ZNF687: variants seen among roughly 807,000 people sequenced by gnomAD.
ZNF687 encodes zinc finger protein 687.
Under a neutral mutation model 71.8 loss-of-function variants are expected in ZNF687, and 13 were observed. The ratio of observed to expected loss-of-function variants is 0.18; its 90% CI spans 0.12 to 0.29. ZNF687 has a LOEUF of 0.29. ZNF687 is among the 10% of genes least tolerant of loss of function. The pLI is 1.00. For synonymous variants in ZNF687, 673 were observed against 641.6 expected, an observed-to-expected ratio of 1.05 and a Z score of -0.74; for missense variants, 1,412 against 1,625.6, an observed-to-expected ratio of 0.87 and a Z score of 2.26.
chr1:151,283,891 T>A (rs1442580947), intron 1 of ZNF687: 13 of 985,114 alleles, frequency 1.3e-5, no homozygotes, highest in African/African-American at 1.7e-5. Context: ...GTGGGAGAGC[T>A]GGCTGGGAAA....
chr1:151,287,737 A>T lies in ZNF687; in HGVS notation c.1446A>T (p.Pro482=). The change falls in exon 2 of 9, where the codon CCA becomes CCT. Residue 482 remains proline, a synonymous_variant. Transcript: ENST00000336715. The surrounding 1 kb of genome is among the most constrained non-coding windows in gnomAD (Gnocchi z 5.0). ...AACCTTCAAAGACAGCTACTGGGCC[A>T]AGTACAGGGGGCGGCACAGTGATAT... ...MVQPSKTATG[P]STGGGTVISR... 1 of 1,613,960 alleles carries T rather than the reference A, an allele frequency of 6.2e-7. No individual in the cohort carries two copies. The highest frequency in any genetic ancestry group is 8.5e-7 in the Non-Finnish European group (1 of 1,179,956).
Position 151,282,409 on chromosome 1 carries a change from G to T in ZNF687, c.-18+14G>T. ...GGAGCGGAACAAGTAAGCGTGCCTG[G>T]GGTAAATACCCGCCCTTGGCTCCGC... On this transcript the variant is annotated intron_variant, in intron 1 of 8. Transcript: ENST00000336715. 1 of 986,944 alleles carries T rather than the reference G, an allele frequency of 1.0e-6. No individual in the cohort carries two copies. Among genetic ancestry groups the T allele is most frequent in the Non-Finnish European group, 1.2e-6 (1 of 830,296 alleles). 61.1% of individuals were successfully genotyped at this position (986,944 alleles called of 1,614,324 possible). A position where few individuals can be genotyped will look rare whatever the true frequency, so the allele number is the denominator to read the frequency against.
Position 151,287,964 on chromosome 1 carries a change from G to A in ZNF687, c.1673G>A (p.Arg558His), listed in dbSNP as rs770970285. 19 of 1,613,720 alleles carry A rather than the reference G, an allele frequency of 1.2e-5. No homozygotes were observed. Among genetic ancestry groups the A allele is most frequent in the Non-Finnish European group, 6.8e-6 (8 of 1,180,022 alleles). The change falls in exon 2 of 9, where the codon CGC becomes CAC. Residue 558 changes from arginine (R) to histidine (H), a missense_variant. By Grantham distance (29) the Arg-to-His change is conservative (BLOSUM62 0). Around this residue, in one of 8 missense-constraint regions of ZNF687, gnomAD observed 50 missense variants for 106.6 expected, o/e 0.47. Transcript: ENST00000336715. This position sits in a 1 kb window ranked among gnomAD's most constrained non-coding sequence, Gnocchi z 5.0. ...LARHYDRRSM[R>H]IEVTCNHCAR... ...CGGCACTATGACCGTCGGAGCATGCGCATCGAGGTCACCTGCAACCACTGC... is the reference window on the plus strand; with the variant it reads ...CGGCACTATGACCGTCGGAGCATGCACATCGAGGTCACCTGCAACCACTGC...
In ZNF687 at chr1:151,289,900, C is replaced by T. The variant is rs985020693; in HGVS notation, c.2857C>T (p.Leu953Phe). ...RPRRELGSKG[L>F]KGGGGGPGGW... ...TCGGCGGGAACTAGGGAGCAAAGGC[C>T]TCAAGGGTGGGGGTGGGGGGCCTGG... The change falls in exon 6 of 9, where the codon CTC becomes TTC. Residue 953 changes from leucine to phenylalanine, a missense_variant. Physicochemically the swap from Leu to Phe is conservative, Grantham distance 22. This residue lies in a region of ZNF687 where 135 missense variants were observed against 104.1 expected (regional missense o/e 1.30). Coordinates refer to ENST00000336715, the MANE Select transcript of ZNF687 (RefSeq NM_020832.3). The T allele has an allele frequency of 6.4e-6, 10 of 1,558,292 alleles. No homozygotes were observed. The highest frequency in any genetic ancestry group is 1.4e-5 in the African/African-American group (1 of 73,372).
chr1:151,287,362 C>T lies in ZNF687; in HGVS notation c.1071C>T (p.Ala357=), dbSNP rs1419774131. Residue 357 remains alanine (A), a synonymous_variant, in exon 2 of 9, where the codon GCC becomes GCT. Transcript: ENST00000336715. This position sits in a 1 kb window ranked among gnomAD's most constrained non-coding sequence, Gnocchi z 5.0. ...TCCCCTCAGATCCTGATCCACCTGC[C>T]CCCTTGGCTGAGGGGGCCTTCTTGG... is the stretch of plus-strand genomic sequence containing the variant. The part of the protein sequence containing the change: ...TQVPSDPDPP[A]PLAEGAFLAE... 6 of 1,614,186 alleles carry T rather than the reference C, an allele frequency of 3.7e-6. No individual in the cohort carries two copies. Among genetic ancestry groups the T allele is most frequent in the Non-Finnish European group, 5.1e-6 (6 of 1,180,040 alleles).
At position 151,287,565 on chromosome 1, in the gene ZNF687, TG is replaced by T; in HGVS notation, c.1275del (p.Leu426CysfsTer11). On this transcript the variant is annotated frameshift_variant, in exon 2 of 9. Coordinates refer to ENST00000336715, the MANE Select transcript of ZNF687 (RefSeq NM_020832.3). LOFTEE classifies it high-confidence loss of function. The surrounding 1 kb of genome is among the most constrained non-coding windows in gnomAD (Gnocchi z 5.0). Reference protein sequence around the residue: ...MAASVARKAVVLPGGTATSPK... With the variant: ...MAASVARKAVXLPGGTATSPK... ...GCCAGTGTGGCTCGCAAGGCTGTGG[TG>T]CTGCCTGGGGGGACTGCCACCAGCC... The T allele has an allele frequency of 6.2e-7, 1 of 1,614,028 alleles. No homozygotes were observed.
rs941997526 is a variant in ZNF687, at chr1:151,287,839, A to T, written c.1548A>T (p.Pro516=). Residue 516 remains proline, a synonymous_variant, in exon 2 of 9, where the codon CCA becomes CCT. Coordinates refer to ENST00000336715, the MANE Select transcript of ZNF687 (RefSeq NM_020832.3). The surrounding 1 kb of genome is among the most constrained non-coding windows in gnomAD (Gnocchi z 5.0). ...NSKNLLPAYR[P]NLSPPAEAGL... ...AGAACCTGCTCCCTGCCTATAGGCC[A>T]AACCTGAGCCCACCAGCTGAGGCTG... 2 of 1,613,874 alleles carry T rather than the reference A, an allele frequency of 1.2e-6. No individual in the cohort carries two copies. Among genetic ancestry groups the T allele is most frequent in the African/African-American group, 2.7e-5 (2 of 74,920 alleles).
At chr1:151,289,301 C>T (rs1213334010) in intron 4 of ZNF687, 30 bp downstream of exon 4, 1 of 1,612,728 alleles carries the variant, frequency 6.2e-7, no homozygotes, top group Non-Finnish European at 8.5e-7. Flanking sequence ...CGGGCTGGGC[C>T]AGGGAGGGCT....
Position 151,289,504 on chromosome 1 carries a change from C to G in ZNF687, c.2598C>G (p.Leu866=), listed in dbSNP as rs762887000. Residue 866 remains leucine, a synonymous_variant, in exon 5 of 9, where the codon CTC becomes CTG. Transcript: ENST00000336715. ...TTAAGTGCCCGTCTTGTCCTCTGCT[C>G]TTTGCCCAAAAAAGGACCATGCTGG... ...SVFKCPSCPL[L]FAQKRTMLEH... 1.9e-6 allele frequency: 3 copies of G among 1,614,080 alleles called. No homozygotes were observed. The highest frequency in any genetic ancestry group is 2.5e-6 in the Non-Finnish European group (3 of 1,180,044).
chr1:151,290,523 T>TC lies in ZNF687; in HGVS notation c.3173dup (p.Gly1059TrpfsTer26). 6.2e-7 allele frequency: 1 copy of TC among 1,613,762 alleles called. No homozygotes were observed. On this transcript the variant is annotated frameshift_variant, in exon 8 of 9. Transcript: ENST00000336715. LOFTEE classifies it low-confidence loss of function (END_TRUNC). ...GCACGGCTTGCAGCTTGGGGCCCAG[T>TC]CCCCTGGCCGGGGGACCACCTTGGC...
intron 1 of ZNF687, chr1:151,283,956 C>T (rs1438054302): frequency 2.0e-6 from 2 of 985,290 alleles, no homozygotes; most frequent in Middle Eastern, 5.2e-4. Context: ...GTTGCTTCTT[C>T]GTAGATACAG....
chr1:151,288,609 C>G lies in ZNF687; in HGVS notation c.2197C>G (p.His733Asp). 1.2e-6 allele frequency: 2 copies of G among 1,614,160 alleles called. No individual in the cohort carries two copies. Among genetic ancestry groups the G allele is most frequent in the Non-Finnish European group, 1.7e-6 (2 of 1,180,016 alleles). Residue 733 changes from histidine (H) to aspartate (D), a missense_variant, in exon 3 of 9, where the codon CAT (histidine) becomes GAT (aspartate). Around this residue, in one of 8 missense-constraint regions of ZNF687, gnomAD observed 207 missense variants for 239.2 expected, o/e 0.87. Coordinates refer to ENST00000336715, the MANE Select transcript of ZNF687 (RefSeq NM_020832.3). ...HQRMHKNRPP[H>D]VCPECGGNFL... ...GCGCATGCATAAGAATCGACCCCCC[C>G]ATGTCTGTCCTGAGTGTGGGGGCAA...
chr1:151,281,801 G>C (rs1239554486), upstream of ZNF687: 5 of 364,178 alleles, frequency 1.4e-5, no homozygotes, highest in Non-Finnish European at 2.3e-5. Context: ...CAGCGCAAAA[G>C]GACCTACACT....
At chr1:151,281,853 C>A, upstream of ZNF687, 1 of 393,564 alleles carries the variant, frequency 2.5e-6, no homozygotes, top group South Asian at 2.1e-5. Flanking sequence ...GCTCTCAGTG[C>A]CCACCACACA....
intron 1 of ZNF687, chr1:151,285,735 CAG>C (rs1693919617): frequency 6.6e-6 from 1 of 152,082 alleles, no homozygotes; most frequent in African/African-American, 2.4e-5. Flanking sequence ...TTTTTTGAGA[CAG>C]GGTCTCGCTC....
At position 151,286,302 on chromosome 1, in the gene ZNF687, T is replaced by C; in HGVS notation, c.11T>C (p.Met4Thr). 1.3e-6 allele frequency: 2 copies of C among 1,560,132 alleles called. No homozygotes were observed. Among genetic ancestry groups the C allele is most frequent in the South Asian group, 1.2e-5 (1 of 81,946 alleles). ...CTGGGATCTGCCGATATGGGGGATA[T>C]GAAGACCCCTGATTTTGATGACCTC... MGD[M>T]KTPDFDDLLA... Residue 4 changes from methionine to threonine, a missense_variant, in exon 2 of 9, where the codon ATG becomes ACG. Physicochemically the swap from Met to Thr is moderately conservative, Grantham distance 81 (BLOSUM62 -1). This residue lies in a region of ZNF687 where 490 missense variants were observed against 489.9 expected (regional missense o/e 1.00). Coordinates refer to ENST00000336715, the MANE Select transcript of ZNF687 (RefSeq NM_020832.3).
Position 151,286,619 on chromosome 1 carries a change from G to T in ZNF687, c.328G>T (p.Ala110Ser). ...CTCAGCAGGAGACGGGGCCCAGGCT[G>T]CTGGGGTAACTAAAGAAGGGCCTGT... ...GGSAGDGAQA[A>S]GVTKEGPVGP... Residue 110 changes from alanine to serine, a missense_variant, in exon 2 of 9, where the codon GCT (alanine) becomes TCT (serine). By Grantham distance (99) the Ala-to-Ser change is moderately conservative (BLOSUM62 1). Around this residue, in one of 8 missense-constraint regions of ZNF687, gnomAD observed 490 missense variants for 489.9 expected, o/e 1.00. Transcript: ENST00000336715. 4 of 1,614,208 alleles carry T rather than the reference G, an allele frequency of 2.5e-6. No homozygotes were observed. Among genetic ancestry groups the T allele is most frequent in the Non-Finnish European group, 3.4e-6 (4 of 1,180,028 alleles).
intron 4 of ZNF687, 44 bp downstream of exon 4, chr1:151,289,315 G>A (rs1694093623): frequency 1.2e-6 from 2 of 1,612,660 alleles, no homozygotes; most frequent in Non-Finnish European, 1.7e-6. Flanking sequence ...GAGGGCTGGT[G>A]GGGCGCAGGA....
chr1:151,283,114 G>C (rs1171519750), intron 1 of ZNF687: 1 of 985,358 alleles, frequency 1.0e-6, no homozygotes, highest in Non-Finnish European at 1.2e-6. Flanking sequence ...CGGTGCGAGT[G>C]AGAGAAGGGC....
Sources: gnomAD v4.1 joint callset for allele counts on GRCh38, gnomAD v4.1.1 for gene constraint, gnomAD v4.1.1 regional missense constraint, Gnocchi (gnomAD v3.1) non-coding constraint, MANE v1.5 for transcripts, NCBI Gene and HGNC (gene_info 2026-07-23, HGNC 2026-07-21) for gene names.